AK8: variants seen among roughly 807,000 people sequenced by gnomAD.
The protein encoded by AK8 is ATP-AMP transphosphorylase 8.
Under a neutral mutation model 54.6 loss-of-function variants are expected in AK8, and 44 were observed. The observed-to-expected ratio is 0.81, with a 90% CI of 0.63 to 1.04. AK8 has a LOEUF of 1.04. AK8 is among the 50% of genes least tolerant of loss of function. The pLI is 0.00. For missense variants in AK8, 555 were observed against 613.6 expected (o/e 0.90, Z 1.01); for synonymous variants, 239 against 245.6 (o/e 0.97, Z 0.25).
Position 132,803,834 on chromosome 9 carries a change from G to T in AK8, c.979+10804C>A, listed in dbSNP as rs1317716491. Among the ~76,000 whole-genome samples the T allele has an allele frequency of 6.6e-6, 1 of 152,108 alleles. No homozygotes were observed. The highest frequency in any genetic ancestry group is 1.5e-5 in the Non-Finnish European group (1 of 68,016). The stretch of plus-strand genomic sequence containing the variant: ...TCCTTCAAGACTAATTCTCTGGGCC[G>T]GGCATGGTGGTTCACGCCTGTAATC... On this transcript the variant is annotated intron_variant, in intron 10 of 12. Coordinates refer to ENST00000298545, the MANE Select transcript of AK8 (RefSeq NM_152572.3). The surrounding 1 kb of genome is among the most constrained non-coding windows in gnomAD (Gnocchi z 4.4).
chr9:132,839,208 T>G (rs1842439878), intron 5 of AK8, among the ~76,000 whole-genome samples: 1 of 152,240 alleles, frequency 6.6e-6, no homozygotes, highest in Non-Finnish European at 1.5e-5. Context: ...CCTCCCACGG[T>G]GCTGGGATTA....
intron 5 of AK8, among the ~76,000 whole-genome samples, chr9:132,836,616 C>T (rs978218124): frequency 1.3e-5 from 2 of 152,162 alleles, no homozygotes; most frequent in Non-Finnish European, 2.9e-5. Flanking sequence ...CTTCTGGCCT[C>T]GAGTCATCCT....
rs1207104708 is a variant in AK8 at position 132,725,883 on chromosome 9, C to A, written c.1245G>T (p.Gln415His). The A allele has an allele frequency of 6.2e-7, 1 of 1,611,848 alleles. No individual in the cohort carries two copies. The highest frequency in any genetic ancestry group is 8.5e-7 in the Non-Finnish European group (1 of 1,179,594). ...MYKPPPTMEIQARLLQNPKDA... is the reference protein window; with the variant it reads ...MYKPPPTMEIHARLLQNPKDA... ...CCTTTGGGTTCTGCAGGAGGCGAGC[C>A]TGGATCTCCATGGTGGGAGGTGGCT... The change falls in exon 13 of 13, where the codon CAG becomes CAT. Residue 415 changes from glutamine (Q) to histidine (H), a missense_variant. By Grantham distance (24) the Gln-to-His change is conservative (BLOSUM62 0). Coordinates refer to ENST00000298545, the MANE Select transcript of AK8 (RefSeq NM_152572.3).
intron 5 of AK8, among the ~76,000 whole-genome samples, chr9:132,843,057 G>T (rs1023880379): frequency 2.0e-5 from 3 of 152,194 alleles, no homozygotes; most frequent in South Asian, 4.1e-4. Flanking sequence ...AAGGGGAGGG[G>T]ATTACATAGG....
intron 10 of AK8, among the ~76,000 whole-genome samples, chr9:132,814,240 C>CTGCACTCCA (rs949139409): frequency 3.1e-5 from 4 of 128,292 alleles, no homozygotes; most frequent in African/African-American, 1.2e-4. Context: ...GACTGCACCA[C>CTGCACTCCA]TGCACTCCAG....
intron 11 of AK8, among the ~76,000 whole-genome samples, chr9:132,729,635 A>T (rs1457787644): frequency 1.3e-5 from 2 of 152,234 alleles, no homozygotes; most frequent in African/African-American, 4.8e-5. Flanking sequence ...CGGACACAGC[A>T]GGAAGTTCCA....
At position 132,764,134 on chromosome 9, in the gene AK8, G is replaced by A. The variant is rs192008537; in HGVS notation, c.1121+28500C>T. Among the ~76,000 whole-genome samples, 219 of 152,228 alleles carry A rather than the reference G, an allele frequency of 1.4e-3. 1 individual carries two copies. Among genetic ancestry groups the A allele is most frequent in the African/African-American group, 4.8e-3 (198 of 41,520 alleles). On this transcript the variant is annotated intron_variant, in intron 11 of 12. Transcript: ENST00000298545. ...AGCCTAGGCAACATGGTGAAACCCT[G>A]TCTCTACTAAAAAATAATTTAAAAA...
intron 11 of AK8, among the ~76,000 whole-genome samples, chr9:132,732,586 G>A (rs998207803): frequency 7.9e-5 from 12 of 152,078 alleles, no homozygotes; most frequent in East Asian, 1.9e-4. Context: ...GCTTGCCGGA[G>A]AGAAATGAGC....
chr9:132,811,741 G>A (rs911750009), intron 10 of AK8, among the ~76,000 whole-genome samples: 3 of 152,198 alleles, frequency 2.0e-5, no homozygotes, highest in African/African-American at 7.2e-5. Flanking sequence ...ACTGTTCATG[G>A]GCATCACTGC....
At chr9:132,755,711 G>T (rs1037468997) in intron 11 of AK8, among the ~76,000 whole-genome samples, 3 of 151,840 alleles carry the variant, frequency 2.0e-5, no homozygotes, top group Non-Finnish European at 2.9e-5. Flanking sequence ...AACACCAGAA[G>T]ACCCTTAATT....
At chr9:132,847,738 C>T (rs372426171) in intron 5 of AK8, among the ~76,000 whole-genome samples, 2 of 152,126 alleles carry the variant, frequency 1.3e-5, no homozygotes, top group African/African-American at 4.8e-5. Flanking sequence ...CCCAGCACTT[C>T]GGGAGGCCAA....
chr9:132,753,766 G>C (rs1838058630), intron 11 of AK8, among the ~76,000 whole-genome samples: 1 of 152,236 alleles, frequency 6.6e-6, no homozygotes, highest in African/African-American at 2.4e-5. Flanking sequence ...CAGGAGACAA[G>C]TGCTCTCACG....
chr9:132,834,869 CTT>C lies in AK8; in HGVS notation c.403-6145_403-6144del, dbSNP rs11323499. On this transcript the variant is annotated intron_variant, in intron 5 of 12. Transcript: ENST00000298545. ...CCAAATGCAGGCATTCAAGAGGTGC[CTT>C]TTTTTTTTTTTTTGAGACAGAGTCC... 2.7e-3 allele frequency among the ~76,000 whole-genome samples: 376 copies of C among 140,734 alleles called. 3 individuals are homozygous for C. Among genetic ancestry groups the C allele is most frequent in the African/African-American group, 6.7e-3 (257 of 38,472 alleles). The allele number at this position is 140,734 out of a possible 152,430, so 92.3% of individuals were successfully genotyped here.
rs989152944 is a variant in AK8 at position 132,827,535 on chromosome 9, C to G, written c.556+478G>C. 1.2e-4 allele frequency: 26 copies of G among 212,324 alleles called. No individual in the cohort carries two copies. In the South Asian group the frequency reaches 1.6e-3, roughly 13 times the overall value. 13.2% of individuals were successfully genotyped at this position (212,324 alleles called of 1,614,324 possible). ...GATCAAGGGCAGTCCCGTCTCCCCC[C>G]ACCCTCCCGCCAGCCCCTTGCTGAA... On this transcript the variant is annotated intron_variant, in intron 7 of 12. Transcript: ENST00000298545.
At chr9:132,745,433 C>G (rs564186744) in intron 11 of AK8, among the ~76,000 whole-genome samples, 1 of 152,016 alleles carries the variant, frequency 6.6e-6, no homozygotes, top group Admixed American at 6.6e-5. Context: ...GTCCGTGTCG[C>G]GGCTGTAATG....
At chr9:132,810,250 TAAAC>T (rs564695954) in intron 10 of AK8, among the ~76,000 whole-genome samples, 200 of 152,272 alleles carry the variant, frequency 1.3e-3, no homozygotes, top group Non-Finnish European at 2.5e-3. Flanking sequence ...ATAGTCTAAA[TAAAC>T]AAAAAGCTGT....
At chr9:132,866,118 A>G (rs1843588004) in intron 3 of AK8, among the ~76,000 whole-genome samples, 1 of 152,112 alleles carries the variant, frequency 6.6e-6, no homozygotes, top group South Asian at 2.1e-4. Flanking sequence ...GAATCGCTTG[A>G]ACCTAGGAGG....
At chr9:132,738,125 C>T (rs1837203854) in intron 11 of AK8, among the ~76,000 whole-genome samples, 1 of 151,898 alleles carries the variant, frequency 6.6e-6, no homozygotes. Context: ...ACAATCTCGG[C>T]TCACTGCAAC....
chr9:132,859,832 C>T (rs774872205), intron 4 of AK8, among the ~76,000 whole-genome samples: 25 of 152,080 alleles, frequency 1.6e-4, no homozygotes, highest in Non-Finnish European at 3.1e-4. Context: ...AAGGTGGCCT[C>T]GGGCTGGGGT....
Sources: gnomAD v4.1 joint callset for allele counts (sites outside exome capture counted in the v4.1 genomes callset) on GRCh38, gnomAD v4.1.1 for gene constraint, Gnocchi (gnomAD v3.1) non-coding constraint, MANE v1.5 for transcripts, NCBI Gene and HGNC (gene_info 2026-07-23, HGNC 2026-07-21) for gene names.